ATP10B: variants seen among roughly 807,000 people sequenced by gnomAD.
The protein encoded by ATP10B is phospholipid-transporting ATPase VB.
In ATP10B, 122 loss-of-function variants were observed where a neutral mutation model predicts 141.2. The ratio of observed to expected loss-of-function variants is 0.86; its 90% CI spans 0.75 to 1.00. The LOEUF (loss-of-function observed/expected upper bound fraction) is 1.00. ATP10B is among the 50% of genes least tolerant of loss of function. The pLI is 0.00. For synonymous variants in ATP10B, 685 were observed against 692.0 expected (o/e 0.99, Z 0.16); for missense variants, 1,876 against 1,825.3 (o/e 1.03, Z -0.51).
chr5:160,640,030 G>A (rs1191938517), intron 10 of ATP10B, among the ~76,000 whole-genome samples: 1 of 152,218 alleles, frequency 6.6e-6, no homozygotes, highest in East Asian at 1.9e-4. Context: ...CTGACAGGAG[G>A]TACTGGCCCT....
Position 160,649,190 on chromosome 5 carries a change from T to A in ATP10B, c.742A>T (p.Asn248Tyr). Reference protein sequence around the residue: ...IVCEKPNNHLNKFKGYMEHPD... With the variant: ...IVCEKPNNHLYKFKGYMEHPD... ...ACTTACATATAACCCTTAAATTTGTTGAGGTGGTTGTTGGGTTTCTCACAC... is the reference window on the plus strand; with the variant it reads ...ACTTACATATAACCCTTAAATTTGTAGAGGTGGTTGTTGGGTTTCTCACAC... The change falls in exon 8 of 26, where the codon AAC (asparagine) becomes TAC (tyrosine). Residue 248 changes from asparagine (N) to tyrosine (Y), a missense_variant. Coordinates refer to ENST00000327245, the MANE Select transcript of ATP10B (RefSeq NM_025153.3). 6.2e-7 allele frequency: 1 copy of A among 1,613,526 alleles called. No homozygotes were observed. Among genetic ancestry groups the A allele is most frequent in the Non-Finnish European group, 8.5e-7 (1 of 1,179,512 alleles).
At chr5:160,672,376 C>T (rs1762767603) in intron 6 of ATP10B, among the ~76,000 whole-genome samples, 2 of 152,144 alleles carry the variant, frequency 1.3e-5, no homozygotes, top group Non-Finnish European at 2.9e-5. Flanking sequence ...GTCTATTCCA[C>T]CTTCTACCAT....
At chr5:160,757,687 A>G (rs192492906) in intron 2 of ATP10B, among the ~76,000 whole-genome samples, 8 of 152,272 alleles carry the variant, frequency 5.3e-5, no homozygotes, top group Middle Eastern at 3.4e-3. Context: ...TCAGTGTGGT[A>G]TGGATGGGGG....
chr5:160,652,361 C>T (rs1760801935), intron 7 of ATP10B, among the ~76,000 whole-genome samples: 1 of 151,826 alleles, frequency 6.6e-6, no homozygotes, highest in South Asian at 2.1e-4. Context: ...GCTGTATTTC[C>T]CTCCAGGGCA....
chr5:160,757,861 C>A (rs533924947), intron 2 of ATP10B, among the ~76,000 whole-genome samples: 1 of 152,148 alleles, frequency 6.6e-6, no homozygotes, highest in African/African-American at 2.4e-5. Flanking sequence ...TTGCAGGGAA[C>A]TGTCCTGTGC....
the ATP10B span, among the ~76,000 whole-genome samples, chr5:160,920,429 A>G: frequency 6.6e-6 from 1 of 152,206 alleles, no homozygotes; most frequent in East Asian, 1.9e-4. Flanking sequence ...AAGAATCTCA[A>G]TATTGCATGT....
At chr5:160,703,894 T>C (rs976504732) in intron 3 of ATP10B, among the ~76,000 whole-genome samples, 7 of 152,364 alleles carry the variant, frequency 4.6e-5, no homozygotes, top group Admixed American at 3.3e-4. Context: ...ATGAATATTA[T>C]GTTAGCATGC....
chr5:160,640,689 A>AGT, intron 9 of ATP10B, 97 bp from the exon 10 acceptor site: 1 of 1,486,130 alleles, frequency 6.7e-7, no homozygotes, highest in Non-Finnish European at 9.1e-7. Flanking sequence ...AAGATAAAAG[A>AGT]GAGGCTTCAC....
chr5:160,842,675 A>T (rs1260032189), intron 1 of ATP10B, among the ~76,000 whole-genome samples: 4 of 151,982 alleles, frequency 2.6e-5, no homozygotes, highest in African/African-American at 7.2e-5. Context: ...CAATAAATTT[A>T]AAAATTTATT....
the ATP10B span, among the ~76,000 whole-genome samples, chr5:160,912,798 C>T: frequency 5.6e-3 from 846 of 152,170 alleles, 12 homozygotes; most frequent in African/African-American, 0.02. Context: ...GATAGTTCAG[C>T]GGGGCTGTCT....
At chr5:160,696,755 C>T (rs1010985747) in intron 3 of ATP10B, among the ~76,000 whole-genome samples, 1 of 152,180 alleles carries the variant, frequency 6.6e-6, no homozygotes, top group African/African-American at 2.4e-5. Flanking sequence ...GGTTTTTCAT[C>T]AACCCTGAAT....
At chr5:160,567,218 A>C (rs1754601598) in intron 25 of ATP10B, among the ~76,000 whole-genome samples, 2 of 152,190 alleles carry the variant, frequency 1.3e-5, no homozygotes, top group African/African-American at 4.8e-5. Context: ...TAAGCCATGA[A>C]TAGGAAAGAC....
chr5:160,759,831 C>T (rs1581478312), intron 2 of ATP10B, among the ~76,000 whole-genome samples: 1 of 152,098 alleles, frequency 6.6e-6, no homozygotes, highest in Non-Finnish European at 1.5e-5. Flanking sequence ...AATTTTGTAC[C>T]TATTTTCTTA....
At chr5:160,597,633 T>C (rs1448006155) in intron 22 of ATP10B, among the ~76,000 whole-genome samples, 2 of 151,986 alleles carry the variant, frequency 1.3e-5, no homozygotes, top group Admixed American at 6.6e-5. Flanking sequence ...AGAAAATTTT[T>C]GCAACCTACT....
chr5:160,708,811 C>T (rs1765174901), intron 3 of ATP10B, among the ~76,000 whole-genome samples: 1 of 152,182 alleles, frequency 6.6e-6, no homozygotes, highest in Non-Finnish European at 1.5e-5. Context: ...AAAAATCCAT[C>T]CTGACTCTGA....
the ATP10B span, among the ~76,000 whole-genome samples, chr5:160,892,235 G>T: frequency 6.6e-6 from 1 of 152,104 alleles, no homozygotes; most frequent in Non-Finnish European, 1.5e-5. Flanking sequence ...ACGTGATCTG[G>T]CTCCTGCCTC....
chr5:160,670,411 G>T, intron 7 of ATP10B, 52 bp downstream of exon 7: 2 of 1,583,148 alleles, frequency 1.3e-6, no homozygotes, highest in Non-Finnish European at 1.7e-6. Flanking sequence ...AGTAGGGTAG[G>T]CTTGCATCCT....
intron 2 of ATP10B, among the ~76,000 whole-genome samples, chr5:160,780,958 T>C (rs984947186): frequency 5.3e-5 from 8 of 152,260 alleles, no homozygotes; most frequent in Non-Finnish European, 1.2e-4. Flanking sequence ...AATGATGAAA[T>C]TGTCAAAGGA....
At chr5:160,918,811 G>A in the ATP10B span, among the ~76,000 whole-genome samples, 2 of 152,156 alleles carry the variant, frequency 1.3e-5, no homozygotes, top group Non-Finnish European at 2.9e-5. Context: ...AGGGAGAGAA[G>A]CATAAGATGA....
Sources: allele counts gnomAD v4.1 joint callset (sites outside exome capture counted in the v4.1 genomes callset), GRCh38; gene constraint gnomAD v4.1.1; transcripts MANE v1.5; gene names NCBI Gene and HGNC (gene_info 2026-07-23, HGNC 2026-07-21).